Variants in DRGX observed in about 807,000 individuals in gnomAD.
The protein encoded by DRGX is dorsal root ganglia homeobox, also known as dorsal root ganglia homeobox protein.
In DRGX, 21 loss-of-function variants were observed where a neutral mutation model predicts 28.6. That is an observed-to-expected ratio of 0.73 (90% confidence interval 0.52 to 1.06). DRGX has a LOEUF of 1.06. Among genes scored for constraint, DRGX ranks in the 50% least tolerant of loss-of-function variants. The pLI, the probability that DRGX is intolerant of heterozygous loss-of-function variation, is 0.00. For synonymous variants in DRGX, 136 were observed against 139.1 expected, an observed-to-expected ratio of 0.98 and a Z score of 0.16; for missense variants, 354 against 343.9, an observed-to-expected ratio of 1.03 and a Z score of -0.23.
intron 3 of DRGX, 112 bp from the exon 4 acceptor site, chr10:49,390,346 T>C: frequency 2.2e-6 from 2 of 892,082 alleles, no homozygotes; most frequent in Non-Finnish European, 3.4e-6. Flanking sequence ...ACAGATTAAA[T>C]CGAGGAAGGA....
intron 1 of DRGX, 27 bp from the exon 2 acceptor site, chr10:49,395,548 C>G (rs1849958803): frequency 7.4e-7 from 1 of 1,344,864 alleles, no homozygotes; most frequent in Admixed American, 2.0e-5. Flanking sequence ...GATAGAGCTT[C>G]AAGTCTCCCT....
At chr10:49,374,348 A>G (rs372604008) in intron 6 of DRGX, among the ~76,000 whole-genome samples, 2 of 152,296 alleles carry the variant, frequency 1.3e-5, no homozygotes, top group East Asian at 3.9e-4. Flanking sequence ...CATGAGATTC[A>G]CCAGCAACCT....
intron 6 of DRGX, among the ~76,000 whole-genome samples, chr10:49,378,226 T>C (rs1156243373): frequency 6.6e-6 from 1 of 151,778 alleles, no homozygotes; most frequent in African/African-American, 2.4e-5. Context: ...ATGAAGAAAA[T>C]ATATTTAATT....
At chr10:49,368,830 G>A (rs1849626117) in intron 6 of DRGX, among the ~76,000 whole-genome samples, 3 of 152,232 alleles carry the variant, frequency 2.0e-5, no homozygotes, top group African/African-American at 7.2e-5. Flanking sequence ...GAAACATAAT[G>A]TTAATTTTAA....
rs1849730242 is a variant in DRGX at position 49,377,644 on chromosome 10, A to C, written c.526+8834T>G. ...ACCATAGGAGAGACCATGTGGAGAA[A>C]GAGGGAGAGGTTCCAGCCTCCCAGC... On this transcript the variant is annotated intron_variant, in intron 6 of 6. Transcript: ENST00000374139. 2.6e-5 allele frequency among the ~76,000 whole-genome samples: 4 copies of C among 152,226 alleles called. No individual in the cohort carries two copies. The South Asian group carries it at 8.3e-4, about 31-fold the overall frequency.
chr10:49,369,241 A>G (rs1265130282), intron 6 of DRGX, among the ~76,000 whole-genome samples: 1 of 152,204 alleles, frequency 6.6e-6, no homozygotes, highest in Non-Finnish European at 1.5e-5. Context: ...TAAGAGGAAT[A>G]AATTAACTCA....
rs1849574027 is a variant in DRGX at position 49,364,258 on chromosome 10, G to A, written c.*1858C>T. On this transcript the variant is annotated 3_prime_UTR_variant, in exon 7 of 7. Coordinates refer to ENST00000374139, the MANE Select transcript of DRGX (RefSeq NM_001276451.2). Reference sequence around the variant, plus strand: ...GATCCAGTTTTGCACAGTCACTAGAGTGTCGCATCATGAATTATTAAATCA... The same window carrying A: ...GATCCAGTTTTGCACAGTCACTAGAATGTCGCATCATGAATTATTAAATCA... 6.6e-6 allele frequency: 1 copy of A among 152,190 alleles called. No individual in the cohort carries two copies. The highest frequency in any genetic ancestry group is 2.1e-4 in the South Asian group (1 of 4,830). 9.4% of individuals were successfully genotyped at this position (152,190 alleles called of 1,614,324 possible).
chr10:49,385,845 C>CT (rs2132481952), intron 6 of DRGX, among the ~76,000 whole-genome samples: 1 of 152,270 alleles, frequency 6.6e-6, no homozygotes, highest in East Asian at 1.9e-4. Flanking sequence ...AGCCTGATCA[C>CT]TGAAGGAATA....
chr10:49,366,530 C>A, intron 6 of DRGX, 149 bp from the exon 7 acceptor site: 4 of 1,190,248 alleles, frequency 3.4e-6, no homozygotes, highest in Non-Finnish European at 3.4e-6. Context: ...GTGCTCAGAA[C>A]CTCAAAGACA....
chr10:49,370,483 A>G (rs1358597929), intron 6 of DRGX, among the ~76,000 whole-genome samples: 1 of 152,196 alleles, frequency 6.6e-6, no homozygotes, highest in African/African-American at 2.4e-5. Context: ...CCAAGCCTGG[A>G]CTGCAGCAAA....
chr10:49,395,437 A>T lies in DRGX; in HGVS notation c.4T>A (p.Phe2Ile). The T allele has an allele frequency of 1.9e-6, 3 of 1,550,294 alleles. No individual in the cohort carries two copies. The highest frequency in any genetic ancestry group is 2.6e-6 in the Non-Finnish European group (3 of 1,146,894). Residue 2 changes from phenylalanine to isoleucine, a missense_variant, in exon 2 of 7, where the codon TTT (phenylalanine) becomes ATT (isoleucine). By Grantham distance (21) the Phe-to-Ile change is conservative. Coordinates refer to ENST00000374139, the MANE Select transcript of DRGX (RefSeq NM_001276451.2). ...AGCTGTGGCGGGCAGTGGAAATAAA[A>T]CATCGCCGGCTGTCAGATCGGCTGG... MFYFHCPPQLEG... is the reference protein window; with the variant it reads MIYFHCPPQLEG...
chr10:49,375,020 G>C (rs1361095046), intron 6 of DRGX, among the ~76,000 whole-genome samples: 1 of 152,210 alleles, frequency 6.6e-6, no homozygotes, highest in Non-Finnish European at 1.5e-5. Context: ...TAGTTCACAA[G>C]GAGAGTTTAA....
rs1849598754 is a variant in DRGX, at chr10:49,366,251, A to G, written c.657T>C (p.Ala219=). 6.2e-7 allele frequency: 1 copy of G among 1,613,972 alleles called. No individual in the cohort carries two copies. The highest frequency in any genetic ancestry group is 8.5e-7 in the Non-Finnish European group (1 of 1,179,886). Reference sequence around the variant, plus strand: ...GCAGGAGGTTGGCTGACTGCAGGACAGCTTCTGAGTGCTCGCGGGCCTTCA... The same window carrying G: ...GCAGGAGGTTGGCTGACTGCAGGACGGCTTCTGAGTGCTCGCGGGCCTTCA... ...LRMKAREHSE[A]VLQSANLLPS... Residue 219 remains alanine (A), a synonymous_variant, in exon 7 of 7, where the codon GCT becomes GCC. Transcript: ENST00000374139.
rs890250955 is a variant in DRGX, at chr10:49,385,965, G to A, written c.526+513C>T. Among the ~76,000 whole-genome samples the A allele has an allele frequency of 4.6e-5, 7 of 152,090 alleles. No individual in the cohort carries two copies. The East Asian group carries it at 1.4e-3, about 29-fold the overall frequency. On this transcript the variant is annotated intron_variant, in intron 6 of 6. Transcript: ENST00000374139. ...CTCCTCTCTCTGAGTCTGACAAAAT[G>A]CCCCTAACGATTTCTATCCTTCAGA...
In DRGX at chr10:49,366,190, G is replaced by A. The variant is rs2132466626; in HGVS notation, c.718C>T (p.Pro240Ser). ...TCCTGGCTGCCATCTGGGGGCGCCGGCTTGGCGACAGGGCCGGGGCTGCTG... is the reference window on the plus strand; with the variant it reads ...TCCTGGCTGCCATCTGGGGGCGCCGACTTGGCGACAGGGCCGGGGCTGCTG... ...TSSSPGPVAK[P>S]APPDGSQEKT... is the part of the protein sequence containing the mutation. Residue 240 changes from proline (P) to serine (S), a missense_variant, in exon 7 of 7, where the codon CCG (proline) becomes TCG (serine). Physicochemically the swap from Pro to Ser is moderately conservative, Grantham distance 74. Coordinates refer to ENST00000374139, the MANE Select transcript of DRGX (RefSeq NM_001276451.2). The A allele has an allele frequency of 6.2e-7, 1 of 1,613,288 alleles. No homozygotes were observed. The highest frequency in any genetic ancestry group is 2.2e-5 in the East Asian group (1 of 44,876).
chr10:49,366,315 C>T lies in DRGX; in HGVS notation c.593G>A (p.Cys198Tyr). The T allele has an allele frequency of 6.2e-7, 1 of 1,613,924 alleles. No homozygotes were observed. The highest frequency in any genetic ancestry group is 8.5e-7 in the Non-Finnish European group (1 of 1,179,848). The change falls in exon 7 of 7, where the codon TGC (cysteine) becomes TAC (tyrosine). Residue 198 changes from cysteine to tyrosine, a missense_variant. Cys to Tyr is a radical substitution (Grantham distance 194). Coordinates refer to ENST00000374139, the MANE Select transcript of DRGX (RefSeq NM_001276451.2). ...MGLSFLPTYG[C>Y]QSNRTASVAT... ...CACGCTGGCCGTGCGGTTACTCTGG[C>T]AGCCATAGGTGGGAAGGAAGGAGAG...
chr10:49,369,383 G>A (rs77220064), intron 6 of DRGX, among the ~76,000 whole-genome samples: 12,179 of 152,246 alleles, frequency 0.08, 504 homozygotes, highest in Middle Eastern at 0.15. Context: ...GTTAAAAACC[G>A]TAAGGACTGT....
intron 6 of DRGX, among the ~76,000 whole-genome samples, chr10:49,377,647 GGGAGA>G (rs1849730314): frequency 6.6e-6 from 1 of 152,190 alleles, no homozygotes; most frequent in Non-Finnish European, 1.5e-5. Context: ...TGGAGAAAGA[GGGAGA>G]GGTTCCAGCC....
intron 6 of DRGX, among the ~76,000 whole-genome samples, chr10:49,380,374 A>T (rs1849761590): frequency 6.6e-6 from 1 of 152,198 alleles, no homozygotes; most frequent in Non-Finnish European, 1.5e-5. Flanking sequence ...CTTCTCCGGA[A>T]CAAACCCAAG....
Sources: allele counts gnomAD v4.1 joint callset (sites outside exome capture counted in the v4.1 genomes callset), GRCh38; gene constraint gnomAD v4.1.1; transcripts MANE v1.5; gene names NCBI Gene and HGNC (gene_info 2026-07-23, HGNC 2026-07-21).